NEDD9: variants seen among roughly 807,000 people sequenced by gnomAD.
NEDD9 encodes the protein enhancer of filamentation 1.
A neutral mutation model predicts 76.6 loss-of-function variants in NEDD9; 26 were observed. The ratio of observed to expected loss-of-function variants is 0.34; its 90% CI spans 0.25 to 0.47. The LOEUF is 0.47. Ranked by LOEUF, NEDD9 falls within the 20% of genes least tolerant of loss-of-function variation. NEDD9 has a pLI of 1.00. For synonymous variants in NEDD9, 392 were observed against 414.2 expected, an observed-to-expected ratio of 0.95 and a Z score of 0.65; for missense variants, 937 against 1,058.5, an observed-to-expected ratio of 0.89 and a Z score of 1.59.
chr6:11,236,633 GTT>G (rs1281956080), upstream of NEDD9, among the ~76,000 whole-genome samples: 1 of 152,184 alleles, frequency 6.6e-6, no homozygotes. The surrounding 1 kb of genome is among the most constrained non-coding windows in gnomAD (Gnocchi z 5.5). Context: ...GGCCCCACCA[GTT>G]TGAGTTATAA....
At chr6:11,358,831 A>G (rs1762629092) in intron 1 of NEDD9, among the ~76,000 whole-genome samples, 2 of 152,208 alleles carry the variant, frequency 1.3e-5, no homozygotes. Flanking sequence ...TACCATTCAT[A>G]AAGACCGAGG....
intron 2 of NEDD9, among the ~76,000 whole-genome samples, chr6:11,205,518 G>A (rs1053558530): frequency 2.6e-5 from 4 of 152,126 alleles, no homozygotes; most frequent in East Asian, 1.9e-4. Context: ...AATCAGAGGC[G>A]ATTGTGGCAT....
At chr6:11,211,478 A>G (rs1452607465) in intron 2 of NEDD9, among the ~76,000 whole-genome samples, 3 of 152,184 alleles carry the variant, frequency 2.0e-5, no homozygotes, top group Non-Finnish European at 4.4e-5. Context: ...TCTGCCTCAC[A>G]CTGGCTCAGA....
At chr6:11,210,789 G>GAT (rs1758765131) in intron 2 of NEDD9, among the ~76,000 whole-genome samples, 4 of 151,088 alleles carry the variant, frequency 2.6e-5, no homozygotes, top group African/African-American at 9.8e-5. Context: ...GAGAGAGAGA[G>GAT]AGATAGAAAA....
chr6:11,377,255 C>T (rs544442262), intron 1 of NEDD9, among the ~76,000 whole-genome samples: 1 of 152,316 alleles, frequency 6.6e-6, no homozygotes, highest in Non-Finnish European at 1.5e-5. Flanking sequence ...AAGGGGGCTG[C>T]CACCCTCTAG....
intron 2 of NEDD9, among the ~76,000 whole-genome samples, chr6:11,319,666 A>T (rs1047744794): frequency 2.1e-5 from 3 of 145,942 alleles, no homozygotes; most frequent in African/African-American, 7.7e-5. Context: ...ACACACTAAC[A>T]TGCACACATA....
intron 3 of NEDD9, among the ~76,000 whole-genome samples, chr6:11,286,823 T>G (rs1426521267): frequency 6.6e-6 from 1 of 151,920 alleles, no homozygotes; most frequent in Non-Finnish European, 1.5e-5. Context: ...GGGCTGGGGG[T>G]AGGAAGCAGC....
At chr6:11,246,152 G>C (rs1041129958) in intron 3 of NEDD9, among the ~76,000 whole-genome samples, 3 of 152,182 alleles carry the variant, frequency 2.0e-5, no homozygotes, top group Non-Finnish European at 4.4e-5. Context: ...AAGGATAAAA[G>C]AATGTCATGG....
At chr6:11,287,363 G>T (rs1315729577) in intron 3 of NEDD9, among the ~76,000 whole-genome samples, 1 of 152,212 alleles carries the variant, frequency 6.6e-6, no homozygotes, top group African/African-American at 2.4e-5. Flanking sequence ...GGTAGGTGGA[G>T]GTTGGAGTTA....
At chr6:11,303,029 G>A (rs1413257291) in intron 3 of NEDD9, among the ~76,000 whole-genome samples, 5 of 152,192 alleles carry the variant, frequency 3.3e-5, no homozygotes, top group Admixed American at 3.3e-4. Context: ...AATCAGGTAA[G>A]AGAAAGAAAT....
rs187752348 is a variant in NEDD9 at position 11,341,443 on chromosome 6, C to A, written c.-213-6882G>T. On this transcript the variant is annotated intron_variant, in intron 1 of 3. Transcript: ENST00000397378. ...TTGCATGCGTATGGGAAGCCCCTCC[C>A]TCAGTCCACGGCTGAGGGCTTGACT... Among the ~76,000 whole-genome samples, 652 of 152,310 alleles carry A rather than the reference C, an allele frequency of 4.3e-3. 2 individuals are homozygous for A. Among genetic ancestry groups the A allele is most frequent in the African/African-American group, 0.015 (619 of 41,566 alleles).
At chr6:11,365,118 G>A (rs1762738694) in intron 1 of NEDD9, among the ~76,000 whole-genome samples, 3 of 152,014 alleles carry the variant, frequency 2.0e-5, no homozygotes, top group Admixed American at 6.6e-5. Flanking sequence ...ATGGGAACAC[G>A]CTGTCTGACA....
intron 3 of NEDD9, among the ~76,000 whole-genome samples, chr6:11,279,639 G>A (rs1760490745): frequency 6.6e-6 from 1 of 152,076 alleles, no homozygotes; most frequent in Admixed American, 6.5e-5. Context: ...GCTTGCCTGC[G>A]AAAGCTGATG....
chr6:11,281,830 T>A (rs961788623), intron 3 of NEDD9, among the ~76,000 whole-genome samples: 1 of 152,164 alleles, frequency 6.6e-6, no homozygotes, highest in East Asian at 1.9e-4. Flanking sequence ...CTCGGCTGAC[T>A]GCAAACTCCT....
At chr6:11,193,803 G>C in intron 2 of NEDD9, 111 bp from the exon 3 acceptor site, 1 of 594,576 alleles carries the variant, frequency 1.7e-6, no homozygotes, top group East Asian at 3.1e-5. Context: ...AAGATAGAAA[G>C]AAACCAAAGA....
At chr6:11,365,688 GAAGA>G (rs1762749990) in intron 1 of NEDD9, among the ~76,000 whole-genome samples, 1 of 152,270 alleles carries the variant, frequency 6.6e-6, no homozygotes, top group South Asian at 2.1e-4. Context: ...CCAAGAAAAA[GAAGA>G]AAGAAAATAA....
At position 11,190,484 on chromosome 6, in the gene NEDD9, T is replaced by A; in HGVS notation, c.1385A>T (p.Tyr462Phe). The A allele has an allele frequency of 1.2e-6, 2 of 1,614,134 alleles. No homozygotes were observed. Among genetic ancestry groups the A allele is most frequent in the Non-Finnish European group, 1.7e-6 (2 of 1,180,016 alleles). ...VDKVELFLKE[Y>F]LHFVKGAVAN... ...AACAGCTCCCTTGACAAAGTGGAGG[T>A]ACTCCTTCAGGAACAGCTCCACCTT... The change falls in exon 5 of 7, where the codon TAC becomes TTC. Residue 462 changes from tyrosine to phenylalanine, a missense_variant. Tyr to Phe is a conservative substitution (Grantham distance 22). Coordinates refer to ENST00000379446, the MANE Select transcript of NEDD9 (RefSeq NM_006403.4). The surrounding 1 kb of genome is among the most constrained non-coding windows in gnomAD (Gnocchi z 5.8).
chr6:11,363,041 T>C (rs556358980), intron 1 of NEDD9, among the ~76,000 whole-genome samples: 2 of 152,354 alleles, frequency 1.3e-5, no homozygotes, highest in African/African-American at 2.4e-5. Context: ...TGTTCCCATT[T>C]TGAAATCCGT....
chr6:11,200,661 T>A, intron 2 of NEDD9: 1 of 1,182,394 alleles, frequency 8.5e-7, no homozygotes, highest in South Asian at 2.3e-5. Context: ...AATCAATCTT[T>A]AGGAATGTAT....
Sources: gnomAD v4.1 joint callset for allele counts (sites outside exome capture counted in the v4.1 genomes callset) on GRCh38, gnomAD v4.1.1 for gene constraint, Gnocchi (gnomAD v3.1) non-coding constraint, MANE v1.5 for transcripts, NCBI Gene and HGNC (gene_info 2026-07-23, HGNC 2026-07-21) for gene names.